DMD: variants seen among roughly 807,000 people sequenced by gnomAD.
DMD encodes mutant dystrophin.
A neutral mutation model predicts 330.1 loss-of-function variants in DMD; 63 were observed. The ratio of observed to expected loss-of-function variants is 0.19; its 90% CI spans 0.16 to 0.24. The LOEUF is 0.24. Ranked by LOEUF, DMD falls within the 10% of genes least tolerant of loss-of-function variation. The pLI is 1.00. For missense variants in DMD, 3,344 were observed against 2,684.1 expected (o/e 1.25, Z -5.43); for synonymous variants, 1,223 against 959.8 (o/e 1.27, Z -5.07).
At chrX:32,753,555 T>C (rs1177118267) in intron 7 of DMD, among the ~76,000 whole-genome samples, 1 of 111,817 alleles carries the variant, frequency 8.9e-6, no homozygotes, top group Admixed American at 9.5e-5. Context: ...CCAACCAAGC[T>C]TCAGTACAAA....
At chrX:32,675,858 TATA>T (rs1486763787) in intron 9 of DMD, among the ~76,000 whole-genome samples, 1 of 112,226 alleles carries the variant, frequency 8.9e-6, no homozygotes, top group African/African-American at 3.2e-5. Context: ...ATGTTTGTTA[TATA>T]ATGATTGTCC....
chrX:31,489,676 G>A (rs1345525867), intron 57 of DMD, among the ~76,000 whole-genome samples: 1 of 111,754 alleles, frequency 8.9e-6, no homozygotes, highest in Non-Finnish European at 1.9e-5. Flanking sequence ...AAAAGTTCTT[G>A]AAAGAACCAA....
In DMD at chrX:33,145,867, G is replaced by C. The variant is rs149330125; in HGVS notation, c.31+65415C>G. Among the ~76,000 whole-genome samples, 115 of 109,986 alleles carry C rather than the reference G, an allele frequency of 1.0e-3. 1 individual carries two copies. Among genetic ancestry groups the C allele is most frequent in the East Asian group, 8.0e-3 (28 of 3,509 alleles). ...AGTATATTCACATAGTTATGCAACTGTCACCACTTTCTTTTTTCCTTTATT... is the reference window on the plus strand; with the variant it reads ...AGTATATTCACATAGTTATGCAACTCTCACCACTTTCTTTTTTCCTTTATT... On this transcript the variant is annotated intron_variant, in intron 1 of 78. Coordinates refer to ENST00000357033, the MANE Select transcript of DMD (RefSeq NM_004006.3).
intron 2 of DMD, among the ~76,000 whole-genome samples, chrX:32,992,922 A>AAAAAAAC (rs1391844855): frequency 6.4e-5 from 7 of 109,695 alleles, no homozygotes; most frequent in African/African-American, 2.3e-4. Context: ...AAAAAAAAAA[A>AAAAAAAC]AAAAACTGTC....
intron 9 of DMD, among the ~76,000 whole-genome samples, chrX:32,691,050 A>G (rs1486385919): frequency 1.8e-5 from 2 of 111,406 alleles, no homozygotes; most frequent in African/African-American, 6.5e-5. Context: ...CAATCTATGG[A>G]ATGGGAAAAT....
chrX:31,656,465 G>C (rs2080792244), intron 54 of DMD, among the ~76,000 whole-genome samples: 2 of 111,998 alleles, frequency 1.8e-5, no homozygotes, highest in African/African-American at 6.5e-5. Flanking sequence ...TCAAGCTCTA[G>C]TTTCATACCA....
chrX:32,093,687 G>T (rs1421568356), intron 44 of DMD, among the ~76,000 whole-genome samples: 2 of 111,348 alleles, frequency 1.8e-5, no homozygotes, highest in Non-Finnish European at 3.8e-5. Flanking sequence ...TCACTTTTGT[G>T]CTTTGAGCAA....
chrX:32,300,866 A>G (rs1410332752), intron 42 of DMD, among the ~76,000 whole-genome samples: 4 of 110,733 alleles, frequency 3.6e-5, no homozygotes, highest in Non-Finnish European at 7.6e-5. Flanking sequence ...GATGATCACC[A>G]ATGAATGGAA....
At chrX:31,999,055 T>C (rs923010325) in intron 44 of DMD, among the ~76,000 whole-genome samples, 3 of 111,784 alleles carry the variant, frequency 2.7e-5, no homozygotes, top group Non-Finnish European at 5.7e-5. Flanking sequence ...TGATTATCAG[T>C]ACAAATTTAA....
chrX:31,284,607 T>TCTTC (rs61693430), intron 62 of DMD, among the ~76,000 whole-genome samples: 7 of 102,088 alleles, frequency 6.9e-5, no homozygotes, highest in African/African-American at 2.6e-4. Context: ...TTCTTCTTCT[T>TCTTC]TTTTTTGGCA....
intron 55 of DMD, among the ~76,000 whole-genome samples, chrX:31,557,307 T>C (rs1358168171): frequency 9.0e-6 from 1 of 111,499 alleles, no homozygotes; most frequent in Non-Finnish European, 1.9e-5. Flanking sequence ...CTGTAAACTC[T>C]TTTGAATAAA....
At chrX:33,201,511 G>A (rs1412281018) in intron 1 of DMD, among the ~76,000 whole-genome samples, 1 of 110,625 alleles carries the variant, frequency 9.0e-6, no homozygotes, top group African/African-American at 3.3e-5. Context: ...TAACTCCAGG[G>A]GTGTCATTTA....
At chrX:33,126,833 G>A (rs141213804) in intron 1 of DMD, among the ~76,000 whole-genome samples, 2,900 of 111,439 alleles carry the variant, frequency 0.026, 106 homozygotes, top group African/African-American at 0.09. Flanking sequence ...TGAAATGTCA[G>A]GCAAGACAGG....
chrX:32,453,385 G>C (rs2098341787), intron 26 of DMD, among the ~76,000 whole-genome samples: 1 of 109,957 alleles, frequency 9.1e-6, no homozygotes, highest in Non-Finnish European at 1.9e-5. Context: ...CTTCATTATA[G>C]TTTTATACAC....
chrX:31,739,518 C>T (rs1010859160), intron 51 of DMD, among the ~76,000 whole-genome samples: 1 of 110,608 alleles, frequency 9.0e-6, no homozygotes, highest in Admixed American at 9.7e-5. Context: ...ACTCTTAAGC[C>T]TAGCACTGCA....
intron 54 of DMD, among the ~76,000 whole-genome samples, chrX:31,637,960 A>G (rs1020563234): frequency 2.7e-5 from 3 of 111,571 alleles, no homozygotes; most frequent in Non-Finnish European, 5.7e-5. Context: ...TGTATCTTTC[A>G]TCAAATTTTA....
At chrX:32,574,603 T>A (rs1210538959) in intron 13 of DMD, among the ~76,000 whole-genome samples, 1 of 111,954 alleles carries the variant, frequency 8.9e-6, no homozygotes, top group Non-Finnish European at 1.9e-5. Context: ...ATGCACTTTA[T>A]AGCCTGAATT....
intron 7 of DMD, among the ~76,000 whole-genome samples, chrX:32,795,585 G>A (rs111765091): frequency 0.037 from 4,179 of 111,588 alleles, 165 homozygotes; most frequent in African/African-American, 0.12. Flanking sequence ...CCTCAAAAGC[G>A]CAGGCAACAA....
intron 4 of DMD, among the ~76,000 whole-genome samples, chrX:32,824,785 A>G (rs1015212654): frequency 3.6e-5 from 4 of 112,079 alleles, no homozygotes; most frequent in African/African-American, 1.3e-4. Context: ...TAAAGCTGGG[A>G]AAATCTGAAT....
Sources: allele counts gnomAD v4.1 joint callset (sites outside exome capture counted in the v4.1 genomes callset), GRCh38; gene constraint gnomAD v4.1.1; transcripts MANE v1.5; gene names NCBI Gene and HGNC (gene_info 2026-07-23, HGNC 2026-07-21).